Variants in STT3A observed in about 807,000 individuals in gnomAD.
STT3A encodes the protein dolichyl-diphosphooligosaccharide--protein glycosyltransferase subunit STT3A.
A neutral mutation model predicts 89.2 loss-of-function variants in STT3A; 34 were observed. The observed-to-expected ratio is 0.38, with a 90% CI of 0.29 to 0.51. The LOEUF (loss-of-function observed/expected upper bound fraction) is 0.51. Among genes scored for constraint, STT3A ranks in the 20% least tolerant of loss-of-function variants. The pLI is 0.89. For missense variants in STT3A, 555 were observed against 889.5 expected (o/e 0.62, Z 4.78); for synonymous variants, 282 against 310.3 (o/e 0.91, Z 0.96).
At chr11:125,616,468 C>G (rs903206767) in intron 15 of STT3A, among the ~76,000 whole-genome samples, 4 of 152,158 alleles carry the variant, frequency 2.6e-5, no homozygotes, top group African/African-American at 9.7e-5. Flanking sequence ...GTCAAACCCA[C>G]AGATATGGAA....
chr11:125,609,857 GGTTTTGTTTT>G (rs765303532), intron 10 of STT3A: 2 of 393,802 alleles, frequency 5.1e-6, no homozygotes, highest in Non-Finnish European at 9.0e-6. Context: ...TTTTTACTCC[GGTTTTGTTTT>G]GTTTTGTTTG....
intron 2 of STT3A, 33 bp downstream of exon 2, chr11:125,596,036 G>T (rs1444149518): frequency 2.7e-6 from 4 of 1,491,458 alleles, no homozygotes; most frequent in African/African-American, 2.8e-5. Context: ...CTTTCTTTGG[G>T]GATAGAAAGA....
At chr11:125,594,085 C>CG (rs911870444) in intron 1 of STT3A, among the ~76,000 whole-genome samples, 5 of 151,414 alleles carry the variant, frequency 3.3e-5, no homozygotes, top group Admixed American at 1.3e-4. Flanking sequence ...ATTCCTAAGA[C>CG]AAAAAAAATA....
chr11:125,612,551 G>A, intron 11 of STT3A, 41 bp from the exon 12 acceptor site: 2 of 1,575,338 alleles, frequency 1.3e-6, no homozygotes, highest in Non-Finnish European at 1.7e-6. Context: ...TGTAAATTGT[G>A]GAACACTGAT....
chr11:125,596,004 G>T lies in STT3A; in HGVS notation c.88+1G>T. ...ATTCTGTCAATGGCTGCTGTATTATGTGAGTGTGCATGTGAACCTCTCTTT... is the reference window on the plus strand; with the variant it reads ...ATTCTGTCAATGGCTGCTGTATTATTTGAGTGTGCATGTGAACCTCTCTTT... On this transcript the variant is annotated splice_donor_variant, in intron 2 of 17. Coordinates refer to ENST00000392708, the MANE Select transcript of STT3A (RefSeq NM_152713.5). LOFTEE classifies it high-confidence loss of function. 6.2e-7 allele frequency: 1 copy of T among 1,608,812 alleles called. No homozygotes were observed. The highest frequency in any genetic ancestry group is 8.5e-7 in the Non-Finnish European group (1 of 1,176,194).
rs2081611678 is a variant in STT3A, at chr11:125,614,306, G to A, written c.1672-18G>A. ...GACTTGGGATTTTGCTCTGAGAATT[G>A]TACATTTGTTTTTCCAGGCAATGGC... On this transcript the variant is annotated intron_variant, in intron 14 of 17. Transcript: ENST00000392708. The surrounding 1 kb of genome is among the most constrained non-coding windows in gnomAD (Gnocchi z 4.9). 6.2e-7 allele frequency: 1 copy of A among 1,613,908 alleles called. No individual in the cohort carries two copies. Among genetic ancestry groups the A allele is most frequent in the Admixed American group, 1.7e-5 (1 of 59,988 alleles).
chr11:125,620,053 G>A lies in STT3A; in HGVS notation c.2006G>A (p.Gly669Glu), dbSNP rs770124052. 6.2e-7 allele frequency: 1 copy of A among 1,614,094 alleles called. No homozygotes were observed. Among genetic ancestry groups the A allele is most frequent in the Non-Finnish European group, 8.5e-7 (1 of 1,180,010 alleles). ...GACCGTGTCCGAAATGCTGAGATTG[G>A]GAATAAAGACTTTGAGCTTGATGTC... ...GFDRVRNAEI[G>E]NKDFELDVLE... Residue 669 changes from glycine to glutamate, a missense_variant, in exon 17 of 18, where the codon GGG (glycine) becomes GAG (glutamate). This residue lies in a region of STT3A where 273 missense variants were observed against 449.8 expected (regional missense o/e 0.61). Transcript: ENST00000392708.
At chr11:125,592,750 T>C (rs1429180851), upstream of STT3A, 3 of 292,428 alleles carry the variant, frequency 1.0e-5, no homozygotes, top group Non-Finnish European at 2.1e-5. Context: ...CGCCTCCGGA[T>C]TTGACAGACA....
intron 4 of STT3A, 24 bp from the exon 5 acceptor site, chr11:125,602,779 T>A (rs1301105054): frequency 6.2e-7 from 1 of 1,614,012 alleles, no homozygotes; most frequent in South Asian, 1.1e-5. Flanking sequence ...GACAACCTAA[T>A]GGAGTTTCTT....
chr11:125,605,678 A>C lies in STT3A; in HGVS notation c.558A>C (p.Ala186=). The C allele has an allele frequency of 6.2e-7, 1 of 1,614,150 alleles. No homozygotes were observed. The highest frequency in any genetic ancestry group is 1.1e-5 in the South Asian group (1 of 91,078). ...TCACCTACTACATGTGGATCAAGGC[A>C]GTAAAGACTGGTTCCATCTGTTGGG... ...MLLTYYMWIK[A]VKTGSICWAA... is the part of the protein sequence containing the mutation. The change falls in exon 7 of 18, where the codon GCA becomes GCC. Residue 186 remains alanine (A), a synonymous_variant. Coordinates refer to ENST00000392708, the MANE Select transcript of STT3A (RefSeq NM_152713.5).
At position 125,604,161 on chromosome 11, in the gene STT3A, C is replaced by T; in HGVS notation, c.422C>T (p.Ala141Val). ...ATTACCCTTTTTTTCTTACAGGATG[C>T]AGGGGCTGGGCTTCTTGCTGCTGCC... ...TYHLTKELKD[A>V]GAGLLAAAMI... The change falls in exon 6 of 18, where the codon GCA (alanine) becomes GTA (valine). Residue 141 changes from alanine (A) to valine (V), a missense_variant. Around this residue, in one of 5 missense-constraint regions of STT3A, gnomAD observed 129 missense variants for 193.2 expected, o/e 0.67. Transcript: ENST00000392708. 6.2e-7 allele frequency: 1 copy of T among 1,613,846 alleles called. No individual in the cohort carries two copies. The highest frequency in any genetic ancestry group is 8.5e-7 in the Non-Finnish European group (1 of 1,179,842).
At chr11:125,609,321 C>A in intron 9 of STT3A, 113 bp from the exon 10 acceptor site, 1 of 1,386,968 alleles carries the variant, frequency 7.2e-7, no homozygotes, top group Middle Eastern at 2.7e-4. Context: ...AAGCAAAAAC[C>A]TAATCCTTCT....
chr11:125,606,749 C>T (rs1228621652), intron 8 of STT3A, among the ~76,000 whole-genome samples: 1 of 152,078 alleles, frequency 6.6e-6, no homozygotes, highest in African/African-American at 2.4e-5. Flanking sequence ...GATGAGTGAT[C>T]AGAGTTAAAA....
chr11:125,618,410 G>T lies in STT3A; in HGVS notation c.1812G>T (p.Gly604=). 1.2e-6 allele frequency: 2 copies of T among 1,613,598 alleles called. No homozygotes were observed. The highest frequency in any genetic ancestry group is 1.7e-6 in the Non-Finnish European group (2 of 1,179,922). The part of the protein sequence containing the change: ...NKFLWMVRIG[G]STDTGKHIKE... The stretch of plus-strand genomic sequence containing the variant: ...TTCTTTGGATGGTCCGGATTGGAGG[G>T]AGCACAGATACAGGCAAACATATCA... The change falls in exon 16 of 18, where the codon GGG becomes GGT. Residue 604 remains glycine (G), a synonymous_variant. Coordinates refer to ENST00000392708, the MANE Select transcript of STT3A (RefSeq NM_152713.5).
chr11:125,594,467 C>G (rs1235745568), intron 1 of STT3A, among the ~76,000 whole-genome samples: 1 of 151,026 alleles, frequency 6.6e-6, no homozygotes, highest in Non-Finnish European at 1.5e-5. Context: ...GTAGTCCCAG[C>G]TTCTCATGAG....
intron 10 of STT3A, 104 bp downstream of exon 10, chr11:125,609,693 TATGTTGTGTA>T: frequency 6.8e-7 from 1 of 1,464,432 alleles, no homozygotes; most frequent in Non-Finnish European, 9.2e-7. Context: ...TTTGCCTGTT[TATGTTGTGTA>T]ATACAGAGGA....
chr11:125,622,116 T>G lies in STT3A; in HGVS notation c.*1306T>G, dbSNP rs961453640. 6.6e-6 allele frequency: 1 copy of G among 152,232 alleles called. No individual in the cohort carries two copies. Among genetic ancestry groups the G allele is most frequent in the African/African-American group, 2.4e-5 (1 of 41,460 alleles). The allele number at this position is 152,232 out of a possible 1,614,324, so 9.4% of individuals were successfully genotyped here. On this transcript the variant is annotated 3_prime_UTR_variant, in exon 18 of 18. Coordinates refer to ENST00000392708, the MANE Select transcript of STT3A (RefSeq NM_152713.5). ...AAAGAGCCTATGAATATATCACTGA[T>G]GTATATAAACCCTAAGGCGTTAATA... is the stretch of plus-strand genomic sequence containing the variant.
intron 3 of STT3A, among the ~76,000 whole-genome samples, chr11:125,600,901 T>C (rs1939653352): frequency 6.6e-6 from 1 of 152,104 alleles, no homozygotes; most frequent in South Asian, 2.1e-4. Context: ...GTCATCCCAC[T>C]TCAACCTCCT....
rs372388260 is a variant in STT3A, at chr11:125,606,103, G to C, written c.616-198G>C. The C allele has an allele frequency of 1.1e-3, 614 of 533,972 alleles. 12 individuals carry two copies. In the South Asian group the frequency reaches 0.018, roughly 15 times the overall value. 33.1% of individuals were successfully genotyped at this position (533,972 alleles called of 1,614,324 possible). ...TTTTAAAATTTATTTTATTTTGTGT[G>C]ACCTGTACATGTAAGGACTTGATTT... On this transcript the variant is annotated intron_variant, in intron 7 of 17. Transcript: ENST00000392708.
Sources: allele counts gnomAD v4.1 joint callset (sites outside exome capture counted in the v4.1 genomes callset), GRCh38; gene constraint gnomAD v4.1.1; regional missense constraint gnomAD v4.1.1; non-coding constraint Gnocchi (gnomAD v3.1); transcripts MANE v1.5; gene names NCBI Gene and HGNC (gene_info 2026-07-23, HGNC 2026-07-21).